The following LRP1B variants were observed in gnomAD, a reference collection of about 807,000 sequenced individuals.
LRP1B encodes the protein low-density lipoprotein receptor-related protein 1B.
A neutral mutation model predicts 556.6 loss-of-function variants in LRP1B; 217 were observed. That is an observed-to-expected ratio of 0.39 (90% CI 0.35 to 0.44). LRP1B has a LOEUF of 0.44. Among genes scored for constraint, LRP1B ranks in the 20% least tolerant of loss-of-function variants. LRP1B has a pLI of 1.00. For missense variants in LRP1B, 5,053 were observed against 5,620.8 expected (o/e 0.90, Z 3.23); for synonymous variants, 2,047 against 1,865.8 (o/e 1.10, Z -2.50).
intron 2 of LRP1B, among the ~76,000 whole-genome samples, chr2:141,807,467 A>T (rs186138028): frequency 3.3e-5 from 5 of 152,236 alleles, no homozygotes; most frequent in Non-Finnish European, 7.4e-5. Context: ...AAGGATATTC[A>T]GCAATTTTAA....
intron 1 of LRP1B, among the ~76,000 whole-genome samples, chr2:141,873,278 A>G (rs1698647905): frequency 6.6e-6 from 1 of 152,028 alleles, no homozygotes; most frequent in Non-Finnish European, 1.5e-5. Flanking sequence ...CAACATGGCA[A>G]AACCCCATGT....
intron 3 of LRP1B, among the ~76,000 whole-genome samples, chr2:141,371,296 A>C (rs1689223568): frequency 6.6e-6 from 1 of 152,180 alleles, no homozygotes; most frequent in Non-Finnish European, 1.5e-5. Flanking sequence ...TATTATCTGA[A>C]GTCAGACAAT....
intron 35 of LRP1B, among the ~76,000 whole-genome samples, chr2:140,726,240 G>A (rs1468751084): frequency 6.6e-6 from 1 of 152,054 alleles, no homozygotes; most frequent in African/African-American, 2.4e-5. Context: ...GTGACAGAGA[G>A]GTTGACTTGG....
intron 7 of LRP1B, among the ~76,000 whole-genome samples, chr2:141,159,621 A>C (rs955895703): frequency 2.6e-5 from 4 of 152,154 alleles, no homozygotes; most frequent in African/African-American, 9.6e-5. Flanking sequence ...GGAAAAATTA[A>C]GTGTTGCCTT....
intron 23 of LRP1B, among the ~76,000 whole-genome samples, chr2:140,898,167 A>G (rs12987986): frequency 0.3 from 44,930 of 152,036 alleles, 6,857 homozygotes; most frequent in Non-Finnish European, 0.31. Flanking sequence ...TAAGCATTAG[A>G]TCATACACTT....
intron 25 of LRP1B, among the ~76,000 whole-genome samples, chr2:140,878,979 A>ACTC (rs1279817505): frequency 7.5e-6 from 1 of 133,106 alleles, no homozygotes; most frequent in African/African-American, 2.8e-5. Flanking sequence ...ACAGAGCAAA[A>ACTC]CTCTGTTTCC....
intron 7 of LRP1B, among the ~76,000 whole-genome samples, chr2:141,184,186 G>A (rs1026699320): frequency 1.3e-5 from 2 of 151,974 alleles, no homozygotes; most frequent in Non-Finnish European, 2.9e-5. Flanking sequence ...CTTTACTCTT[G>A]TCTTTTGAAA....
chr2:141,068,618 G>A (rs1699549575), intron 7 of LRP1B, among the ~76,000 whole-genome samples: 1 of 151,292 alleles, frequency 6.6e-6, no homozygotes, highest in Non-Finnish European at 1.5e-5. Context: ...CTAGTGCCAG[G>A]TAGTTTTTCC....
intron 8 of LRP1B, among the ~76,000 whole-genome samples, chr2:141,059,998 A>G (rs1301678134): frequency 2.0e-5 from 3 of 151,834 alleles, no homozygotes; most frequent in Admixed American, 6.6e-5. Context: ...ATTATATTGC[A>G]CACTTTTAAT....
At chr2:140,880,683 T>C (rs542853561) in intron 25 of LRP1B, among the ~76,000 whole-genome samples, 62 of 152,258 alleles carry the variant, frequency 4.1e-4, no homozygotes, top group African/African-American at 1.4e-3. Context: ...GAGGCTAGTG[T>C]TAGGGCCTGT....
In LRP1B at chr2:141,811,159, C is replaced by A; in HGVS notation, c.83-758G>T. On this transcript the variant is annotated intron_variant, in intron 1 of 90. Transcript: ENST00000389484. ...TTCCACAGCATATTTGCTTTTATCACGTGAATCCCTTTACAAACTAATTAT... is the reference window on the plus strand; with the variant it reads ...TTCCACAGCATATTTGCTTTTATCAAGTGAATCCCTTTACAAACTAATTAT... Among the ~76,000 whole-genome samples, 5 of 151,912 alleles carry A rather than the reference C, an allele frequency of 3.3e-5. No individual in the cohort carries two copies. The South Asian group carries it at 1.0e-3, about 31-fold the overall frequency.
chr2:142,051,563 T>C (rs1332445335), intron 1 of LRP1B, among the ~76,000 whole-genome samples: 1 of 151,842 alleles, frequency 6.6e-6, no homozygotes, highest in African/African-American at 2.4e-5. Context: ...TTGCAACCTC[T>C]GCCTCCTGGT....
intron 7 of LRP1B, among the ~76,000 whole-genome samples, chr2:141,172,444 G>A (rs146721324): frequency 1.4e-4 from 22 of 152,112 alleles, no homozygotes; most frequent in African/African-American, 3.9e-4. Context: ...AGGTATCTGA[G>A]GCAAGGAACC....
At chr2:141,843,361 T>C (rs1697541929) in intron 1 of LRP1B, among the ~76,000 whole-genome samples, 1 of 152,140 alleles carries the variant, frequency 6.6e-6, no homozygotes, top group South Asian at 2.1e-4. Context: ...ATTTCATCCA[T>C]TTAAACAGGT....
At chr2:141,302,110 T>C (rs1466119841) in intron 3 of LRP1B, among the ~76,000 whole-genome samples, 1 of 152,062 alleles carries the variant, frequency 6.6e-6, no homozygotes, top group Non-Finnish European at 1.5e-5. Context: ...AATAAAGGCA[T>C]AAATATCTCC....
intron 28 of LRP1B, 88 bp downstream of exon 28, chr2:140,851,564 C>A (rs548209788): frequency 2.0e-6 from 3 of 1,477,572 alleles, no homozygotes; most frequent in Non-Finnish European, 1.8e-6. Context: ...ACTTCCTCTG[C>A]TTTAATATGA....
At chr2:140,947,600 CA>C (rs1212850756) in intron 20 of LRP1B, among the ~76,000 whole-genome samples, 4 of 152,186 alleles carry the variant, frequency 2.6e-5, no homozygotes, top group African/African-American at 9.6e-5. Context: ...TCAGCTTTAA[CA>C]ATCTGTGTCA....
At chr2:140,689,017 G>A (rs1413360481) in intron 41 of LRP1B, among the ~76,000 whole-genome samples, 1 of 152,182 alleles carries the variant, frequency 6.6e-6, no homozygotes, top group Non-Finnish European at 1.5e-5. Flanking sequence ...TGTAACCAAA[G>A]TTAATTGATA....
At chr2:140,735,840 G>C (rs1298706440) in intron 35 of LRP1B, among the ~76,000 whole-genome samples, 1 of 152,156 alleles carries the variant, frequency 6.6e-6, no homozygotes, top group South Asian at 2.1e-4. Flanking sequence ...GGAGGATAGA[G>C]ATTATATACC....
Sources: gnomAD v4.1 joint callset for allele counts (sites outside exome capture counted in the v4.1 genomes callset) on GRCh38, gnomAD v4.1.1 for gene constraint, MANE v1.5 for transcripts, NCBI Gene and HGNC (gene_info 2026-07-23, HGNC 2026-07-21) for gene names.